The following SLC16A7 variants were observed in gnomAD, a reference collection of about 807,000 sequenced individuals.
SLC16A7 encodes the protein monocarboxylate transporter 2.
SLC16A7 carries 33 observed loss-of-function variants against 34.9 expected under a neutral mutation model. The ratio of observed to expected loss-of-function variants is 0.94; its 90% CI spans 0.72 to 1.26. The LOEUF is 1.26. Ranked by LOEUF, SLC16A7 falls within the 50% of genes most tolerant of loss-of-function variation. The probability of loss-of-function intolerance (pLI) is 0.00; values close to 1 mark genes in which losing one functional copy is unlikely to be tolerated. For synonymous variants in SLC16A7, 201 were observed against 206.6 expected (o/e 0.97, Z 0.23); for missense variants, 573 against 578.1 (o/e 0.99, Z 0.09).
chr12:59,691,437 C>T (rs1416334513), intron 2 of SLC16A7, among the ~76,000 whole-genome samples: 1 of 151,922 alleles, frequency 6.6e-6, no homozygotes, highest in Non-Finnish European at 1.5e-5. Context: ...TGACAAACTC[C>T]AGAACATGAA....
intron 1 of SLC16A7, among the ~76,000 whole-genome samples, chr12:59,615,033 A>G (rs1879384162): frequency 6.6e-6 from 1 of 150,994 alleles, no homozygotes; most frequent in African/African-American, 2.4e-5. Context: ...TAAATAAATA[A>G]ATAAATAAAA....
In SLC16A7 at chr12:59,785,504, T is replaced by C; in HGVS notation, c.*5825T>C. ...AATTACATCTCCCATCCCAATCTCCTGCTTCTTCATCATCTCCTAAATGTT... is the reference window on the plus strand; with the variant it reads ...AATTACATCTCCCATCCCAATCTCCCGCTTCTTCATCATCTCCTAAATGTT... On this transcript the variant is annotated 3_prime_UTR_variant, in exon 6 of 6. Transcript: ENST00000547379. 6.6e-6 allele frequency: 1 copy of C among 152,194 alleles called. No individual in the cohort carries two copies. Among genetic ancestry groups the C allele is most frequent in the East Asian group, 1.9e-4 (1 of 5,190 alleles). The allele number at this position is 152,194 out of a possible 1,614,324, so 9.4% of individuals were successfully genotyped here.
intron 3 of SLC16A7, chr12:59,733,830 C>T (rs1193363609): frequency 4.4e-6 from 2 of 455,750 alleles, no homozygotes; most frequent in Non-Finnish European, 8.8e-6. Context: ...AGGAGAGCCA[C>T]GGTGGGCACC....
At chr12:59,647,645 A>G (rs755942038) in intron 1 of SLC16A7, among the ~76,000 whole-genome samples, 2 of 152,192 alleles carry the variant, frequency 1.3e-5, no homozygotes. Flanking sequence ...CTGCAGAAGC[A>G]GAAGAAAATG....
Position 59,651,046 on chromosome 12 carries a change from G to C in SLC16A7, c.-129-4106G>C, listed in dbSNP as rs1013563609. Among the ~76,000 whole-genome samples the C allele has an allele frequency of 9.2e-5, 14 of 152,244 alleles. No homozygotes were observed. The East Asian group carries it at 2.5e-3, about 27-fold the overall frequency. On this transcript the variant is annotated intron_variant, in intron 1 of 5. Coordinates refer to ENST00000547379, the MANE Select transcript of SLC16A7 (RefSeq NM_001270623.2). ...CTCAAAACCACCCATGCTTCCCTCA[G>C]AGTAAGGTGATAAACTGAGCATGGC...
At chr12:59,717,492 A>G (rs942616370) in intron 3 of SLC16A7, among the ~76,000 whole-genome samples, 2 of 152,214 alleles carry the variant, frequency 1.3e-5, no homozygotes, top group African/African-American at 2.4e-5. Context: ...GCTTCTCACG[A>G]GAAATATTAA....
chr12:59,682,376 A>T (rs2137075319), intron 2 of SLC16A7, among the ~76,000 whole-genome samples: 1 of 152,320 alleles, frequency 6.6e-6, no homozygotes, highest in East Asian at 1.9e-4. Flanking sequence ...GTTATAAAAA[A>T]GTAAAGTTCA....
At chr12:59,688,209 A>G (rs188326543) in intron 2 of SLC16A7, among the ~76,000 whole-genome samples, 4 of 152,104 alleles carry the variant, frequency 2.6e-5, no homozygotes, top group Admixed American at 1.3e-4. Context: ...GTCATTGGGG[A>G]AGCACATAGC....
Position 59,728,964 on chromosome 12 carries a change from G to A in SLC16A7, c.217+23946G>A, listed in dbSNP as rs149926062. Among the ~76,000 whole-genome samples, 77 of 152,292 alleles carry A rather than the reference G, an allele frequency of 5.1e-4. 2 individuals are homozygous for A. The East Asian group carries it at 0.012, about 24-fold the overall frequency. On this transcript the variant is annotated intron_variant, in intron 3 of 5. Transcript: ENST00000547379. ...GTGTCCTACCTAGATACTTGTCTGA[G>A]ATGATTTTTCCAATTTGTCTCAACT...
chr12:59,636,906 G>T (rs915595606), intron 1 of SLC16A7, among the ~76,000 whole-genome samples: 3 of 152,028 alleles, frequency 2.0e-5, no homozygotes, highest in African/African-American at 7.2e-5. Flanking sequence ...AATAATTCCT[G>T]ATTTCCCATA....
chr12:59,741,580 T>G (rs772559458), intron 3 of SLC16A7, among the ~76,000 whole-genome samples: 1 of 152,212 alleles, frequency 6.6e-6, no homozygotes, highest in Non-Finnish European at 1.5e-5. Flanking sequence ...GATAGCATGC[T>G]AATACAGTCA....
At chr12:59,738,346 G>A (rs1489258563) in intron 3 of SLC16A7, among the ~76,000 whole-genome samples, 2 of 152,142 alleles carry the variant, frequency 1.3e-5, no homozygotes, top group Admixed American at 6.6e-5. Flanking sequence ...ATTCTTCAAA[G>A]CGTATGTGTG....
intron 3 of SLC16A7, among the ~76,000 whole-genome samples, chr12:59,718,199 T>A: frequency 6.6e-6 from 1 of 152,168 alleles, no homozygotes; most frequent in Admixed American, 6.6e-5. Flanking sequence ...GTTGTGGTGA[T>A]TTTTTTCTAA....
intron 1 of SLC16A7, among the ~76,000 whole-genome samples, chr12:59,642,772 A>G (rs1016476484): frequency 2.6e-5 from 4 of 152,236 alleles, no homozygotes; most frequent in Admixed American, 6.5e-5. Flanking sequence ...TTGACTAACC[A>G]TCAATTAAGA....
At chr12:59,726,442 G>C (rs886190913) in intron 3 of SLC16A7, among the ~76,000 whole-genome samples, 1 of 151,964 alleles carries the variant, frequency 6.6e-6, no homozygotes, top group African/African-American at 2.4e-5. Flanking sequence ...ATGAAGGATA[G>C]GGTAAAAGAG....
intron 1 of SLC16A7, among the ~76,000 whole-genome samples, chr12:59,601,284 C>T (rs1336889046): frequency 1.3e-5 from 2 of 152,138 alleles, no homozygotes; most frequent in African/African-American, 4.8e-5. Context: ...TTTTACAAAG[C>T]AGCTGCCCTA....
rs138894148 is a variant in SLC16A7, at chr12:59,630,628, G to T, written c.-129-24524G>T. ...TTTGTATTTAGCACAGAGTCAAATT[G>T]CACTATGAGAAAACCTATCGTAGTA... is the stretch of plus-strand genomic sequence containing the variant. On this transcript the variant is annotated intron_variant, in intron 1 of 5. Transcript: ENST00000547379. Among the ~76,000 whole-genome samples, 323 of 151,948 alleles carry T rather than the reference G, an allele frequency of 2.1e-3. 1 individual carries two copies. The highest frequency in any genetic ancestry group is 0.017 in the Middle Eastern group (5 of 294).
chr12:59,750,492 A>G (rs1879396278), intron 3 of SLC16A7, among the ~76,000 whole-genome samples: 1 of 152,216 alleles, frequency 6.6e-6, no homozygotes, highest in African/African-American at 2.4e-5. Context: ...GAGAAATGCA[A>G]ATCAAAACCA....
At chr12:59,701,502 C>T (rs1284903239) in intron 2 of SLC16A7, among the ~76,000 whole-genome samples, 3 of 151,150 alleles carry the variant, frequency 2.0e-5, no homozygotes. Context: ...CTATTTTATT[C>T]TTTGTATAGG....
Sources: allele counts gnomAD v4.1 joint callset (sites outside exome capture counted in the v4.1 genomes callset), GRCh38; gene constraint gnomAD v4.1.1; transcripts MANE v1.5; gene names NCBI Gene and HGNC (gene_info 2026-07-23, HGNC 2026-07-21).